Variants in LURAP1 observed in about 807,000 individuals in gnomAD.
LURAP1 encodes NF-kappa-B activator C1orf190.
Under a neutral mutation model 19.0 loss-of-function variants are expected in LURAP1, and 14 were observed. The observed-to-expected ratio is 0.74, with a 90% CI of 0.49 to 1.15. The LOEUF (loss-of-function observed/expected upper bound fraction) is 1.15, where lower values mean the gene tolerates loss of function less well. Ranked by LOEUF, LURAP1 falls within the 50% of genes most tolerant of loss-of-function variation. The probability of loss-of-function intolerance (pLI) is 0.00; values close to 1 mark genes in which losing one functional copy is unlikely to be tolerated. For synonymous variants in LURAP1, 129 were observed against 131.8 expected (o/e 0.98, Z 0.14); for missense variants, 273 against 309.1 (o/e 0.88, Z 0.87).
intron 1 of LURAP1, 92 bp downstream of exon 1, chr1:46,203,716 G>T (rs1011767758): frequency 4.6e-6 from 6 of 1,305,666 alleles, no homozygotes; most frequent in Non-Finnish European, 6.2e-6. Flanking sequence ...CTGGAGAGGA[G>T]GTAGTTAAAA....
chr1:46,212,745 T>G (rs977925212), intron 1 of LURAP1, among the ~76,000 whole-genome samples: 35 of 151,826 alleles, frequency 2.3e-4, no homozygotes, highest in Non-Finnish European at 2.8e-4. Context: ...CTTGGCTAAT[T>G]TTTTATTTTA....
chr1:46,204,481 C>T (rs1208125866), intron 1 of LURAP1, among the ~76,000 whole-genome samples: 1 of 152,174 alleles, frequency 6.6e-6, no homozygotes, highest in South Asian at 2.1e-4. Flanking sequence ...GAATTGCCAT[C>T]GGCTTCCTGG....
In LURAP1 at chr1:46,220,266, G is replaced by A; in HGVS notation, c.*46G>A. The stretch of plus-strand genomic sequence containing the variant: ...AATCCTGTGGCTCTTTTATCCATTA[G>A]ATGTGGTCTCCCCCAAAATTGATTC... On this transcript the variant is annotated 3_prime_UTR_variant, in exon 2 of 2. Coordinates refer to ENST00000371980, the MANE Select transcript of LURAP1 (RefSeq NM_001013615.3). The A allele has an allele frequency of 2.0e-6, 3 of 1,531,990 alleles. No individual in the cohort carries two copies. The highest frequency in any genetic ancestry group is 2.6e-6 in the Non-Finnish European group (3 of 1,141,056). The allele number at this position is 1,531,990 out of a possible 1,614,324, so 94.9% of individuals were successfully genotyped here.
intron 1 of LURAP1, among the ~76,000 whole-genome samples, chr1:46,218,085 T>G (rs1314008498): frequency 6.6e-6 from 1 of 152,206 alleles, no homozygotes; most frequent in Non-Finnish European, 1.5e-5. Flanking sequence ...CTCTTTAATC[T>G]CTGTGCATCT....
Position 46,219,713 on chromosome 1 carries a change from C to G in LURAP1, c.213C>G (p.Ala71=). 6.3e-7 allele frequency: 1 copy of G among 1,594,136 alleles called. No homozygotes were observed. Among genetic ancestry groups the G allele is most frequent in the Non-Finnish European group, 8.6e-7 (1 of 1,169,004 alleles). The change falls in exon 2 of 2, where the codon GCC becomes GCG. Residue 71 remains alanine (A), a synonymous_variant. Transcript: ENST00000371980. ...ALKMELAYLR[A]IDVKILQQLV... ...CACTCCCCCAGGCTTACCTGCGAGCCATCGATGTGAAGATCCTGCAGCAGC... is the reference window on the plus strand; with the variant it reads ...CACTCCCCCAGGCTTACCTGCGAGCGATCGATGTGAAGATCCTGCAGCAGC...
intron 1 of LURAP1, among the ~76,000 whole-genome samples, chr1:46,217,148 G>C (rs1459756278): frequency 6.6e-6 from 1 of 152,194 alleles, no homozygotes; most frequent in Non-Finnish European, 1.5e-5. Flanking sequence ...GCTAAGGAAA[G>C]AGGCAAAGGA....
rs577464237 is a variant in LURAP1 at position 46,219,887 on chromosome 1, C to A, written c.387C>A (p.Ser129Arg). 12 of 1,613,644 alleles carry A rather than the reference C, an allele frequency of 7.4e-6. No individual in the cohort carries two copies. Among genetic ancestry groups the A allele is most frequent in the Non-Finnish European group, 1.0e-5 (12 of 1,179,796 alleles). The change falls in exon 2 of 2, where the codon AGC becomes AGA. Residue 129 changes from serine to arginine, a missense_variant. Transcript: ENST00000371980. ...PGRSRRGSWD[S>R]LPDTSTTDRL... ...GCTCAAGGCGAGGCAGCTGGGACAGCCTGCCAGACACCAGCACCACCGACC... is the reference window on the plus strand; with the variant it reads ...GCTCAAGGCGAGGCAGCTGGGACAGACTGCCAGACACCAGCACCACCGACC...
chr1:46,204,381 A>AG (rs1242893537), intron 1 of LURAP1, among the ~76,000 whole-genome samples: 2 of 152,180 alleles, frequency 1.3e-5, no homozygotes, highest in Admixed American at 1.3e-4. Context: ...AGGGCAGCCG[A>AG]GGCCCTGGCA....
intron 1 of LURAP1, among the ~76,000 whole-genome samples, chr1:46,206,977 G>A (rs1485496947): frequency 6.6e-6 from 1 of 152,186 alleles, no homozygotes; most frequent in Non-Finnish European, 1.5e-5. Context: ...AGAGTGATGT[G>A]GTTGGGTTTG....
chr1:46,210,736 T>C (rs1348495388), intron 1 of LURAP1, among the ~76,000 whole-genome samples: 1 of 152,216 alleles, frequency 6.6e-6, no homozygotes, highest in Non-Finnish European at 1.5e-5. Flanking sequence ...ACCCTCCATC[T>C]GTTCAGCTAC....
At position 46,220,290 on chromosome 1, in the gene LURAP1, T is replaced by G; in HGVS notation, c.*70T>G. ...AGATGTGGTCTCCCCCAAAATTGAT[T>G]CTCCCTCAGTCTGAGACTAGGAAGA... On this transcript the variant is annotated 3_prime_UTR_variant, in exon 2 of 2. Transcript: ENST00000371980. 6.8e-7 allele frequency: 1 copy of G among 1,467,538 alleles called. No individual in the cohort carries two copies. Among genetic ancestry groups the G allele is most frequent in the Non-Finnish European group, 9.1e-7 (1 of 1,095,574 alleles). 90.9% of individuals were successfully genotyped at this position (1,467,538 alleles called of 1,614,324 possible).
rs1368864419 is a variant in LURAP1 at position 46,220,465 on chromosome 1, T to G, written c.*245T>G. On this transcript the variant is annotated 3_prime_UTR_variant, in exon 2 of 2. Coordinates refer to ENST00000371980, the MANE Select transcript of LURAP1 (RefSeq NM_001013615.3). ...CTTTTTTTGAGACAGGGTCTTATGC[T>G]GTTACCCAAGATAGAGAGCAGTGGC... The G allele has an allele frequency of 4.3e-6, 2 of 463,320 alleles. No individual in the cohort carries two copies. Among genetic ancestry groups the G allele is most frequent in the Non-Finnish European group, 7.7e-6 (2 of 260,416 alleles). 28.7% of individuals were successfully genotyped at this position (463,320 alleles called of 1,614,324 possible).
In LURAP1 at chr1:46,203,661, C is replaced by G. The variant is rs554048060; in HGVS notation, c.198+37C>G. 5 of 1,582,312 alleles carry G rather than the reference C, an allele frequency of 3.2e-6. No homozygotes were observed. In the African/African-American group the frequency reaches 6.8e-5, roughly 22 times the overall value. On this transcript the variant is annotated intron_variant, in intron 1 of 1. Coordinates refer to ENST00000371980, the MANE Select transcript of LURAP1 (RefSeq NM_001013615.3). ...ATCCATGGGCCAAGGGGACGAGTCC[C>G]TAGTGTAGGGCCGGGAGGGACGAAC...
chr1:46,207,084 AT>A (rs56059506), intron 1 of LURAP1, among the ~76,000 whole-genome samples: 277 of 143,444 alleles, frequency 1.9e-3, no homozygotes, highest in Middle Eastern at 3.5e-3. Flanking sequence ...GAGTCCTTCT[AT>A]TTTTTTTTTT....
At chr1:46,211,442 C>CACAT (rs145174487) in intron 1 of LURAP1, among the ~76,000 whole-genome samples, 42,389 of 130,956 alleles carry the variant, frequency 0.32, 6,165 homozygotes, top group East Asian at 0.48. Flanking sequence ...AAAACCTGCA[C>CACAT]ACACACACAC....
chr1:46,220,429 T>A lies in LURAP1; in HGVS notation c.*209T>A. On this transcript the variant is annotated 3_prime_UTR_variant, in exon 2 of 2. Coordinates refer to ENST00000371980, the MANE Select transcript of LURAP1 (RefSeq NM_001013615.3). ...GTCCCTAGAGCTAGCTTGCTCTTTCTTTCTTTCTTTCTTTTTTTGAGACAG... is the reference window on the plus strand; with the variant it reads ...GTCCCTAGAGCTAGCTTGCTCTTTCATTCTTTCTTTCTTTTTTTGAGACAG... 1 of 553,054 alleles carries A rather than the reference T, an allele frequency of 1.8e-6. No homozygotes were observed. Among genetic ancestry groups the A allele is most frequent in the Non-Finnish European group, 3.1e-6 (1 of 317,864 alleles). The allele number at this position is 553,054 out of a possible 1,614,324, so 34.3% of individuals were successfully genotyped here. A position where few individuals can be genotyped will look rare whatever the true frequency, so the allele number is the denominator to read the frequency against.
At chr1:46,211,482 G>C (rs1223496002) in intron 1 of LURAP1, among the ~76,000 whole-genome samples, 1 of 108,516 alleles carries the variant, frequency 9.2e-6, no homozygotes, top group African/African-American at 3.3e-5. Flanking sequence ...CACACACACA[G>C]TAATATCACA....
At chr1:46,214,390 T>C (rs1481784923) in intron 1 of LURAP1, among the ~76,000 whole-genome samples, 1 of 148,836 alleles carries the variant, frequency 6.7e-6, no homozygotes, top group African/African-American at 2.5e-5. Flanking sequence ...TTGAATGAAA[T>C]GGAGATAATA....
In LURAP1 at chr1:46,203,453, G is replaced by T. The variant is rs771323153; in HGVS notation, c.27G>T (p.Thr9=). Residue 9 remains threonine, a synonymous_variant, in exon 1 of 2, where the codon ACG becomes ACT. Transcript: ENST00000371980. The stretch of plus-strand genomic sequence containing the variant: ...TGGAGGGGACCGTGGAGTCCCAGAC[G>T]CCTGACCTGCGGGATGTGGAGGGTA... MEGTVESQ[T]PDLRDVEGKV... is the part of the protein sequence containing the mutation. 6.7e-7 allele frequency: 1 copy of T among 1,499,232 alleles called. No homozygotes were observed. Among genetic ancestry groups the T allele is most frequent in the Admixed American group, 2.3e-5 (1 of 43,622 alleles). The allele number at this position is 1,499,232 out of a possible 1,614,324, so 92.9% of individuals were successfully genotyped here. A position where few individuals can be genotyped will look rare whatever the true frequency, so the allele number is the denominator to read the frequency against.
Sources: allele counts gnomAD v4.1 joint callset (sites outside exome capture counted in the v4.1 genomes callset), GRCh38; gene constraint gnomAD v4.1.1; transcripts MANE v1.5; gene names NCBI Gene and HGNC (gene_info 2026-07-23, HGNC 2026-07-21).